Variants in DNAJC1 observed in about 807,000 individuals in gnomAD.
The protein encoded by DNAJC1 is dnaJ homolog subfamily C member 1.
In DNAJC1, 58 loss-of-function variants were observed where a neutral mutation model predicts 76.6. That is an observed-to-expected ratio of 0.76 (90% CI 0.61 to 0.94). The LOEUF is 0.94. Ranked by LOEUF, DNAJC1 falls within the 40% of genes least tolerant of loss-of-function variation. The pLI is 0.00. For synonymous variants in DNAJC1, 258 were observed against 267.9 expected (o/e 0.96, Z 0.36); for missense variants, 689 against 677.3 (o/e 1.02, Z -0.19).
intron 1 of DNAJC1, among the ~76,000 whole-genome samples, chr10:21,989,997 T>G (rs1838303292): frequency 6.6e-6 from 1 of 152,210 alleles, no homozygotes. Flanking sequence ...TATGTGCAAT[T>G]CTTAACAATG....
At chr10:21,812,652 G>C (rs530164185) in intron 8 of DNAJC1, among the ~76,000 whole-genome samples, 2 of 152,156 alleles carry the variant, frequency 1.3e-5, no homozygotes, top group East Asian at 3.9e-4. Context: ...ATGCAGCCTT[G>C]AAATCCTGGG....
At chr10:21,769,923 T>A (rs1473348360) in intron 9 of DNAJC1, among the ~76,000 whole-genome samples, 1 of 152,120 alleles carries the variant, frequency 6.6e-6, no homozygotes, top group Non-Finnish European at 1.5e-5. Flanking sequence ...CAGCCTCAGG[T>A]GATCCACCCA....
intron 1 of DNAJC1, among the ~76,000 whole-genome samples, chr10:21,971,036 A>G (rs921492879): frequency 6.6e-6 from 1 of 151,918 alleles, no homozygotes; most frequent in Non-Finnish European, 1.5e-5. Flanking sequence ...ATCACCTTAC[A>G]TAAGTATCTT....
At chr10:21,884,130 A>G (rs1056659786) in intron 7 of DNAJC1, among the ~76,000 whole-genome samples, 1 of 152,198 alleles carries the variant, frequency 6.6e-6, no homozygotes, top group Non-Finnish European at 1.5e-5. Flanking sequence ...AAAAGATAAA[A>G]GAGTAAACAA....
chr10:21,790,688 C>G (rs1265889974), intron 9 of DNAJC1, among the ~76,000 whole-genome samples: 1 of 152,024 alleles, frequency 6.6e-6, no homozygotes, highest in Non-Finnish European at 1.5e-5. Context: ...TAATCACCAT[C>G]ATGAAAACAC....
chr10:21,758,274 C>T (rs927376587), intron 11 of DNAJC1, among the ~76,000 whole-genome samples: 1 of 152,148 alleles, frequency 6.6e-6, no homozygotes, highest in Non-Finnish European at 1.5e-5. Flanking sequence ...GCACAGACAG[C>T]GGAAGAGATC....
At chr10:21,895,672 G>A (rs1207428630) in intron 7 of DNAJC1, among the ~76,000 whole-genome samples, 3 of 152,132 alleles carry the variant, frequency 2.0e-5, no homozygotes, top group African/African-American at 7.2e-5. Context: ...GCAAACATTT[G>A]ATAAGGAGAT....
intron 9 of DNAJC1, among the ~76,000 whole-genome samples, chr10:21,798,458 C>G (rs1338194994): frequency 1.3e-5 from 2 of 152,140 alleles, no homozygotes. Flanking sequence ...TTCCTGTTAT[C>G]TCCTTCTCCT....
At chr10:21,986,768 T>C in intron 1 of DNAJC1, among the ~76,000 whole-genome samples, 1 of 152,118 alleles carries the variant, frequency 6.6e-6, no homozygotes, top group East Asian at 1.9e-4. Flanking sequence ...TTTTTTGTTT[T>C]TTTTGTTTTT....
intron 6 of DNAJC1, among the ~76,000 whole-genome samples, chr10:21,918,147 A>T (rs1836983821): frequency 6.6e-6 from 1 of 151,978 alleles, no homozygotes; most frequent in South Asian, 2.1e-4. Flanking sequence ...ATCAAAATTA[A>T]CAAAGCAATA....
At chr10:21,987,707 C>T (rs1031562236) in intron 1 of DNAJC1, among the ~76,000 whole-genome samples, 5 of 152,112 alleles carry the variant, frequency 3.3e-5, no homozygotes, top group Non-Finnish European at 7.4e-5. Flanking sequence ...ATCTCATAAA[C>T]ATGAAAACAT....
chr10:21,988,678 A>G (rs1004933839), intron 1 of DNAJC1, among the ~76,000 whole-genome samples: 6 of 152,088 alleles, frequency 3.9e-5, no homozygotes, highest in African/African-American at 1.4e-4. Flanking sequence ...TCATTGTCCT[A>G]TGTTTTCTTT....
At chr10:21,845,628 T>C (rs146158457) in intron 8 of DNAJC1, among the ~76,000 whole-genome samples, 4,408 of 152,292 alleles carry the variant, frequency 0.029, 103 homozygotes, top group Middle Eastern at 0.065. Flanking sequence ...TGAGCCACTG[T>C]GCCCTGCCTA....
chr10:21,976,557 C>T (rs148791215), intron 1 of DNAJC1, among the ~76,000 whole-genome samples: 67 of 152,242 alleles, frequency 4.4e-4, no homozygotes, highest in Non-Finnish European at 7.5e-4. Flanking sequence ...ATTCCTAAGA[C>T]GCTAGTCAAA....
At chr10:21,911,624 G>C (rs1258130670) in intron 6 of DNAJC1, among the ~76,000 whole-genome samples, 1 of 152,140 alleles carries the variant, frequency 6.6e-6, no homozygotes, top group East Asian at 1.9e-4. Context: ...TGTTCCAAGA[G>C]ATAGAAGAGA....
At chr10:21,828,748 AT>A (rs1243743146) in intron 8 of DNAJC1, among the ~76,000 whole-genome samples, 1 of 152,200 alleles carries the variant, frequency 6.6e-6, no homozygotes, top group East Asian at 1.9e-4. Context: ...ACTCAGTAAC[AT>A]TTTTGGAAGG....
chr10:21,874,275 T>C (rs1465411522), intron 8 of DNAJC1, among the ~76,000 whole-genome samples: 2 of 151,952 alleles, frequency 1.3e-5, no homozygotes, highest in East Asian at 3.9e-4. Flanking sequence ...TTAGCCAAGC[T>C]TGGTGGCACA....
At chr10:21,989,301 T>C (rs571528892) in intron 1 of DNAJC1, among the ~76,000 whole-genome samples, 14 of 152,318 alleles carry the variant, frequency 9.2e-5, no homozygotes, top group Admixed American at 3.3e-4. Flanking sequence ...TTTGAGGGAC[T>C]TCCTCCGAAA....
chr10:21,765,706 G>A (rs1834292278), intron 10 of DNAJC1, among the ~76,000 whole-genome samples: 1 of 152,084 alleles, frequency 6.6e-6, no homozygotes. Context: ...TCTGTCAGGT[G>A]CAGTGGCGGG....
Sources: gnomAD v4.1 joint callset for allele counts (sites outside exome capture counted in the v4.1 genomes callset) on GRCh38, gnomAD v4.1.1 for gene constraint, MANE v1.5 for transcripts, NCBI Gene and HGNC (gene_info 2026-07-23, HGNC 2026-07-21) for gene names.